Variants in RANBP2 observed in about 807,000 individuals in gnomAD.
RANBP2 encodes the protein RAN binding protein 2, also known as E3 SUMO-protein ligase RanBP2.
RANBP2 carries 57 observed loss-of-function variants against 303.6 expected under a neutral mutation model. The ratio of observed to expected loss-of-function variants is 0.19; its 90% CI spans 0.15 to 0.23. RANBP2 has a LOEUF of 0.23. Among genes scored for constraint, RANBP2 ranks in the 10% least tolerant of loss-of-function variants. RANBP2 has a pLI of 1.00. For synonymous variants in RANBP2, 1,167 were observed against 1,301.5 expected, an observed-to-expected ratio of 0.90 and a Z score of 2.23; for missense variants, 3,138 against 3,780.8, an observed-to-expected ratio of 0.83 and a Z score of 4.46.
chr2:109,553,379 T>C, the RANBP2 span, among the ~76,000 whole-genome samples: 1 of 151,342 alleles, frequency 6.6e-6, no homozygotes, highest in Non-Finnish European at 1.5e-5. Flanking sequence ...ACCCTGTCTC[T>C]ACAAAAATAA....
At chr2:109,663,336 C>G in the RANBP2 span, among the ~76,000 whole-genome samples, 1 of 152,186 alleles carries the variant, frequency 6.6e-6, no homozygotes, top group Non-Finnish European at 1.5e-5. Context: ...CCTCCATTAG[C>G]TGGGGATATT....
At chr2:108,871,985 T>C in the RANBP2 span, among the ~76,000 whole-genome samples, 1 of 152,230 alleles carries the variant, frequency 6.6e-6, no homozygotes, top group East Asian at 1.9e-4. Context: ...TTGAATGATC[T>C]TTTAATTCCC....
chr2:109,129,061 G>A, the RANBP2 span: 1 of 383,130 alleles, frequency 2.6e-6, no homozygotes, highest in Non-Finnish European at 5.1e-6. Context: ...GGCCAGGGGC[G>A]CATGGAGGTG....
the RANBP2 span, among the ~76,000 whole-genome samples, chr2:109,274,405 G>A: frequency 6.6e-6 from 1 of 152,212 alleles, no homozygotes; most frequent in East Asian, 1.9e-4. Context: ...GTGGATGAGT[G>A]GATAAACAAA....
At chr2:108,750,596 TCTTTTC>T (rs1675802535) in intron 9 of RANBP2, among the ~76,000 whole-genome samples, 1 of 146,784 alleles carries the variant, frequency 6.8e-6, no homozygotes, top group African/African-American at 2.7e-5. Context: ...TCTTTTCTTT[TCTTTTC>T]TTTGAGACAG....
chr2:108,905,879 A>G, the RANBP2 span, among the ~76,000 whole-genome samples: 73 of 146,420 alleles, frequency 5.0e-4, no homozygotes, highest in Non-Finnish European at 9.7e-4. Flanking sequence ...GGAGGCTCCC[A>G]GGGCTATCAG....
chr2:109,155,325 G>T, the RANBP2 span, among the ~76,000 whole-genome samples: 844 of 152,240 alleles, frequency 5.5e-3, 7 homozygotes, highest in African/African-American at 0.019. Context: ...TTTAGAGATG[G>T]AGTCTCGCTC....
At chr2:109,333,673 G>A in the RANBP2 span, among the ~76,000 whole-genome samples, 1 of 152,318 alleles carries the variant, frequency 6.6e-6, no homozygotes, top group Non-Finnish European at 1.5e-5. Context: ...TTTGCTGACC[G>A]CTGGCATAGA....
chr2:108,955,754 C>CGGTG, the RANBP2 span, among the ~76,000 whole-genome samples: 25 of 151,856 alleles, frequency 1.6e-4, no homozygotes, highest in Non-Finnish European at 2.8e-4. Flanking sequence ...AGGTAGGGCG[C>CGGTG]GGTGGCTCAT....
the RANBP2 span, among the ~76,000 whole-genome samples, chr2:109,302,572 CTGACAGTGCTAAATTT>C: frequency 1.2e-3 from 186 of 152,360 alleles, no homozygotes; most frequent in Non-Finnish European, 2.3e-3. Context: ...TGCTGTGCTG[CTGACAGTGCTAAATTT>C]TGACAGTGCT....
chr2:109,518,308 A>G, the RANBP2 span, among the ~76,000 whole-genome samples: 1 of 152,110 alleles, frequency 6.6e-6, no homozygotes, highest in Admixed American at 6.5e-5. Context: ...GTGTTAACTG[A>G]GCACGGTGCT....
the RANBP2 span, among the ~76,000 whole-genome samples, chr2:108,986,176 TACTAGAC>T: frequency 6.6e-6 from 1 of 152,168 alleles, no homozygotes; most frequent in Admixed American, 6.5e-5. Context: ...TTTTTTTAGT[TACTAGAC>T]TATCTTAGAC....
At chr2:109,270,964 T>A in the RANBP2 span, among the ~76,000 whole-genome samples, 262 of 152,316 alleles carry the variant, frequency 1.7e-3, 1 homozygote, top group African/African-American at 6.0e-3. Context: ...TGCTTCTGAA[T>A]TGCAATTTCT....
chr2:109,510,566 C>T, the RANBP2 span, among the ~76,000 whole-genome samples: 3 of 152,228 alleles, frequency 2.0e-5, no homozygotes, highest in Admixed American at 6.5e-5. Flanking sequence ...CGGTTCCATC[C>T]TCACCCTCTG....
the RANBP2 span, among the ~76,000 whole-genome samples, chr2:109,586,290 G>A: frequency 1.3e-5 from 2 of 152,182 alleles, no homozygotes; most frequent in African/African-American, 4.8e-5. Flanking sequence ...CTGCCTACTG[G>A]TAACAATTAC....
the RANBP2 span, among the ~76,000 whole-genome samples, chr2:109,701,738 G>A: frequency 6.6e-6 from 1 of 152,142 alleles, no homozygotes; most frequent in South Asian, 2.1e-4. Context: ...ATCTTACTCA[G>A]GAATAAAACG....
chr2:109,118,611 G>C, the RANBP2 span, among the ~76,000 whole-genome samples: 2 of 151,778 alleles, frequency 1.3e-5, no homozygotes, highest in African/African-American at 4.8e-5. Context: ...TGTTTTTTGG[G>C]TCAGGGTCTG....
the RANBP2 span, chr2:109,613,143 ACC>A: frequency 7.8e-7 from 1 of 1,285,784 alleles, no homozygotes; most frequent in Non-Finnish European, 1.0e-6. Context: ...GATGTACACG[ACC>A]TTGGTACTAT....
the RANBP2 span, among the ~76,000 whole-genome samples, chr2:109,433,090 A>G: frequency 6.6e-6 from 1 of 152,194 alleles, no homozygotes; most frequent in Non-Finnish European, 1.5e-5. Context: ...TGTGCAGAGT[A>G]TGTGCAGTGT....
Sources: allele counts gnomAD v4.1 joint callset (sites outside exome capture counted in the v4.1 genomes callset), GRCh38; gene constraint gnomAD v4.1.1; transcripts MANE v1.5; gene names NCBI Gene and HGNC (gene_info 2026-07-23, HGNC 2026-07-21).